The following FBXO33 variants were observed in gnomAD, a reference collection of about 807,000 sequenced individuals.
The protein encoded by FBXO33 is F-box only protein 33.
FBXO33 carries 22 observed loss-of-function variants against 46.3 expected under a neutral mutation model. The ratio of observed to expected loss-of-function variants is 0.48; its 90% CI spans 0.34 to 0.68. The LOEUF is 0.68. Among genes scored for constraint, FBXO33 ranks in the 30% least tolerant of loss-of-function variants. FBXO33 has a pLI of 0.01. For synonymous variants in FBXO33, 337 were observed against 291.3 expected (o/e 1.16, Z -1.60); for missense variants, 692 against 708.8 (o/e 0.98, Z 0.27).
intron 1 of FBXO33, among the ~76,000 whole-genome samples, chr14:39,417,636 T>C (rs554429741): frequency 7.8e-4 from 118 of 152,240 alleles, no homozygotes; most frequent in African/African-American, 2.7e-3. Flanking sequence ...GTTCAAGCAA[T>C]TCTCCTGCCT....
intron 1 of FBXO33, among the ~76,000 whole-genome samples, chr14:39,417,242 C>T (rs1488031076): frequency 6.6e-6 from 1 of 152,222 alleles, no homozygotes; most frequent in African/African-American, 2.4e-5. Flanking sequence ...TGGGCTCTAT[C>T]AGTTTTTCAG....
In FBXO33 at chr14:39,404,611, C is replaced by G. The variant is rs568227760; in HGVS notation, c.600-2100G>C. Among the ~76,000 whole-genome samples the G allele has an allele frequency of 1.0e-3, 156 of 152,052 alleles. 1 individual carries two copies. Among genetic ancestry groups the G allele is most frequent in the African/African-American group, 3.5e-3 (146 of 41,524 alleles). On this transcript the variant is annotated intron_variant, in intron 1 of 3. Coordinates refer to ENST00000298097, the MANE Select transcript of FBXO33 (RefSeq NM_203301.4). ...AAAGTGCTGGGATTACAGGCGTGAG[C>G]CACCGTGCCCGGCTTTAAATGGATC... is the stretch of plus-strand genomic sequence containing the variant.
intron 1 of FBXO33, among the ~76,000 whole-genome samples, chr14:39,415,231 A>G (rs978461216): frequency 5.9e-5 from 9 of 152,116 alleles, no homozygotes; most frequent in African/African-American, 2.2e-4. Context: ...CCAGGAGGTG[A>G]GGCTGCCATT....
At chr14:39,410,183 T>C (rs2075416278) in intron 1 of FBXO33, among the ~76,000 whole-genome samples, 3 of 152,204 alleles carry the variant, frequency 2.0e-5, no homozygotes, top group African/African-American at 7.2e-5. Flanking sequence ...CATGGCCATA[T>C]ATGGACTTTA....
chr14:39,409,020 G>A (rs899906361), intron 1 of FBXO33, among the ~76,000 whole-genome samples: 1 of 151,898 alleles, frequency 6.6e-6, no homozygotes, highest in Non-Finnish European at 1.5e-5. Context: ...CAAGGAATCT[G>A]CCTGCCTCGG....
In FBXO33 at chr14:39,397,730, T is replaced by C. The variant is rs1359189201; in HGVS notation, c.*1786A>G. On this transcript the variant is annotated 3_prime_UTR_variant, in exon 4 of 4. Coordinates refer to ENST00000298097, the MANE Select transcript of FBXO33 (RefSeq NM_203301.4). ...TAACACTAAAAGTAGTCATGCTTCATATACAATAAAATATATTACAATGAT... is the reference window on the plus strand; with the variant it reads ...TAACACTAAAAGTAGTCATGCTTCACATACAATAAAATATATTACAATGAT... 1 of 152,676 alleles carries C rather than the reference T, an allele frequency of 6.5e-6. No homozygotes were observed. The highest frequency in any genetic ancestry group is 1.5e-5 in the Non-Finnish European group (1 of 68,034). 9.5% of individuals were successfully genotyped at this position (152,676 alleles called of 1,614,324 possible). A position where few individuals can be genotyped will look rare whatever the true frequency, so the allele number is the denominator to read the frequency against.
At chr14:39,414,888 T>TG (rs1164650297) in intron 1 of FBXO33, among the ~76,000 whole-genome samples, 2 of 152,146 alleles carry the variant, frequency 1.3e-5, no homozygotes, top group Non-Finnish European at 2.9e-5. Flanking sequence ...TAAACTCCTG[T>TG]GCTCAAGTGA....
Position 39,398,069 on chromosome 14 carries a change from T to C in FBXO33, c.*1447A>G, listed in dbSNP as rs1374208535. 1 of 152,686 alleles carries C rather than the reference T, an allele frequency of 6.5e-6. No individual in the cohort carries two copies. Among genetic ancestry groups the C allele is most frequent in the Non-Finnish European group, 1.5e-5 (1 of 68,044 alleles). 9.5% of individuals were successfully genotyped at this position (152,686 alleles called of 1,614,324 possible). On this transcript the variant is annotated 3_prime_UTR_variant, in exon 4 of 4. Coordinates refer to ENST00000298097, the MANE Select transcript of FBXO33 (RefSeq NM_203301.4). ...ATTTGTAAAACACATATAAACTTTT[T>C]TCCATAAATAGAATCATATCTGGAC...
intron 1 of FBXO33, among the ~76,000 whole-genome samples, chr14:39,421,272 A>C (rs1160792878): frequency 6.6e-6 from 1 of 152,242 alleles, no homozygotes; most frequent in African/African-American, 2.4e-5. Flanking sequence ...CCAGATTAAA[A>C]GGTAGCCCAA....
In FBXO33 at chr14:39,397,751, A is replaced by G. The variant is rs1215867915; in HGVS notation, c.*1765T>C. Reference sequence around the variant, plus strand: ...TTCATATACAATAAAATATATTACAATGATCATTTTTAATGCTTTATTCAT... The same window carrying G: ...TTCATATACAATAAAATATATTACAGTGATCATTTTTAATGCTTTATTCAT... On this transcript the variant is annotated 3_prime_UTR_variant, in exon 4 of 4. Coordinates refer to ENST00000298097, the MANE Select transcript of FBXO33 (RefSeq NM_203301.4). 6.6e-6 allele frequency: 1 copy of G among 152,664 alleles called. No homozygotes were observed. Among genetic ancestry groups the G allele is most frequent in the Non-Finnish European group, 1.5e-5 (1 of 68,036 alleles). The allele number at this position is 152,664 out of a possible 1,614,324, so 9.5% of individuals were successfully genotyped here.
chr14:39,424,872 G>A (rs1258008317), intron 1 of FBXO33, among the ~76,000 whole-genome samples: 3 of 152,086 alleles, frequency 2.0e-5, no homozygotes, highest in Non-Finnish European at 4.4e-5. Flanking sequence ...GGCCAATATG[G>A]TGAAACCCCG....
At chr14:39,419,323 T>C (rs1170991177) in intron 1 of FBXO33, among the ~76,000 whole-genome samples, 2 of 152,206 alleles carry the variant, frequency 1.3e-5, no homozygotes, top group Non-Finnish European at 2.9e-5. Flanking sequence ...TATTAAGTGA[T>C]ATGGAAAACA....
chr14:39,403,109 T>C (rs1167799586), intron 1 of FBXO33, among the ~76,000 whole-genome samples: 1 of 152,174 alleles, frequency 6.6e-6, no homozygotes, highest in Non-Finnish European at 1.5e-5. Context: ...AAGCTCTAAA[T>C]TTTATAGAGA....
rs1431667127 is a variant in FBXO33 at position 39,431,581 on chromosome 14, G to A, written c.582C>T (p.Val194=). 1.2e-6 allele frequency: 2 copies of A among 1,612,636 alleles called. No homozygotes were observed. The highest frequency in any genetic ancestry group is 1.1e-5 in the South Asian group (1 of 91,062). Residue 194 remains valine (V), a synonymous_variant, in exon 1 of 4, where the codon GTC becomes GTT. Coordinates refer to ENST00000298097, the MANE Select transcript of FBXO33 (RefSeq NM_203301.4). ...TYLELVLCVL[V]SIRNNRNLQK... ...AAGCCTACCTGTTGTTCCGGATGCT[G>A]ACCAGCACGCAAAGCACCAGCTCCA...
intron 1 of FBXO33, among the ~76,000 whole-genome samples, chr14:39,416,661 T>C (rs1595985831): frequency 6.6e-6 from 1 of 152,164 alleles, no homozygotes; most frequent in Non-Finnish European, 1.5e-5. Flanking sequence ...TACTGTATTC[T>C]TCAGCACCAG....
chr14:39,422,695 T>A (rs1377706179), intron 1 of FBXO33, among the ~76,000 whole-genome samples: 1 of 152,230 alleles, frequency 6.6e-6, no homozygotes, highest in East Asian at 1.9e-4. Context: ...AATGGTGACA[T>A]AAGACAATAT....
rs1279984774 is a variant in FBXO33 at position 39,398,316 on chromosome 14, TC to T, written c.*1199del. 2 of 152,656 alleles carry T rather than the reference TC, an allele frequency of 1.3e-5. No individual in the cohort carries two copies. The highest frequency in any genetic ancestry group is 4.8e-5 in the African/African-American group (2 of 41,456). The allele number at this position is 152,656 out of a possible 1,614,324, so 9.5% of individuals were successfully genotyped here. ...ACAGTTAATAGGCTTTTAAAGCCTC[TC>T]AGATATAACAAGGTTTTAAAACATA... On this transcript the variant is annotated 3_prime_UTR_variant, in exon 4 of 4. Coordinates refer to ENST00000298097, the MANE Select transcript of FBXO33 (RefSeq NM_203301.4).
chr14:39,419,627 G>T (rs1323429193), intron 1 of FBXO33, among the ~76,000 whole-genome samples: 1 of 152,188 alleles, frequency 6.6e-6, no homozygotes, highest in Non-Finnish European at 1.5e-5. Flanking sequence ...TTTAATTAAG[G>T]TGAACTCAGT....
chr14:39,431,944 G>T lies in FBXO33; in HGVS notation c.219C>A (p.Ser73Arg). The T allele has an allele frequency of 6.5e-7, 1 of 1,531,888 alleles. No individual in the cohort carries two copies. Among genetic ancestry groups the T allele is most frequent in the Non-Finnish European group, 8.7e-7 (1 of 1,145,346 alleles). 94.9% of individuals were successfully genotyped at this position (1,531,888 alleles called of 1,614,324 possible). The part of the protein sequence containing the change: ...GQAAGAASLP[S>R]ELIVHIFSFL... ...AAGAGAAGATGTGCACGATCAGCTC[G>T]CTGGGCAGCGACGCAGCGCCCGCCG... The change falls in exon 1 of 4, where the codon AGC (serine) becomes AGA (arginine). Residue 73 changes from serine to arginine, a missense_variant. By Grantham distance (110) the Ser-to-Arg change is moderately radical. This residue lies in a region of FBXO33 where 412 missense variants were observed against 370.8 expected (regional missense o/e 1.11). Coordinates refer to ENST00000298097, the MANE Select transcript of FBXO33 (RefSeq NM_203301.4).
Sources: allele counts gnomAD v4.1 joint callset (sites outside exome capture counted in the v4.1 genomes callset), GRCh38; gene constraint gnomAD v4.1.1; regional missense constraint gnomAD v4.1.1; transcripts MANE v1.5; gene names NCBI Gene and HGNC (gene_info 2026-07-23, HGNC 2026-07-21).